The following FGFR2 variants were observed in gnomAD, a reference collection of about 807,000 sequenced individuals.
FGFR2 encodes the protein BEK fibroblast growth factor receptor.
A neutral mutation model predicts 95.9 loss-of-function variants in FGFR2; 19 were observed. That is an observed-to-expected ratio of 0.20 (90% confidence interval 0.14 to 0.29). The LOEUF is 0.29. Among genes scored for constraint, FGFR2 ranks in the 10% least tolerant of loss-of-function variants. The pLI is 1.00. For synonymous variants in FGFR2, 392 were observed against 393.3 expected (o/e 1.00, Z 0.04); for missense variants, 707 against 1,056.9 (o/e 0.67, Z 4.59).
intron 2 of FGFR2, among the ~76,000 whole-genome samples, chr10:121,583,921 AC>A (rs1388585038): frequency 6.6e-6 from 1 of 152,060 alleles, no homozygotes; most frequent in Non-Finnish European, 1.5e-5. Context: ...GAACAGGAAA[AC>A]CCAAGATGTT....
At chr10:121,493,283 G>C (rs1019149598) in intron 13 of FGFR2, among the ~76,000 whole-genome samples, 1 of 152,140 alleles carries the variant, frequency 6.6e-6, no homozygotes, top group African/African-American at 2.4e-5. Flanking sequence ...TTTAATATGG[G>C]TACTTCCGTT....
rs1649195 is a variant in FGFR2 at position 121,490,733 on chromosome 10, C to T, written c.1864-2620G>A. Among the ~76,000 whole-genome samples, 437 of 152,226 alleles carry T rather than the reference C, an allele frequency of 2.9e-3. 4 individuals are homozygous for T. The highest frequency in any genetic ancestry group is 9.5e-3 in the African/African-American group (393 of 41,526). ...AATGGGGGCGATCTTAGGCACTCCACGAAATGGACAATTAAAAAAGGGGCA... is the reference window on the plus strand; with the variant it reads ...AATGGGGGCGATCTTAGGCACTCCATGAAATGGACAATTAAAAAAGGGGCA... On this transcript the variant is annotated intron_variant, in intron 13 of 17. Coordinates refer to ENST00000358487, the MANE Select transcript of FGFR2 (RefSeq NM_000141.5).
intron 11 of FGFR2, among the ~76,000 whole-genome samples, chr10:121,500,606 T>C (rs1847468010): frequency 1.3e-5 from 2 of 152,240 alleles, no homozygotes; most frequent in Admixed American, 1.3e-4. Context: ...TGTAGGAGGC[T>C]ACCGCTTTCT....
rs2133790931 is a variant in FGFR2, at chr10:121,485,329, T to C, written c.2195+66A>G. 1.2e-6 allele frequency: 2 copies of C among 1,608,458 alleles called. No individual in the cohort carries two copies. Among genetic ancestry groups the C allele is most frequent in the Non-Finnish European group, 1.7e-6 (2 of 1,175,654 alleles). ...CAGGGGCCTTCAAAAACGAGATACA[T>C]CAGGAGAGGTATTACTGGTGTGGCA... On this transcript the variant is annotated intron_variant, in intron 16 of 17. Coordinates refer to ENST00000358487, the MANE Select transcript of FGFR2 (RefSeq NM_000141.5). This position sits in a 1 kb window ranked among gnomAD's most constrained non-coding sequence, Gnocchi z 4.2.
At chr10:121,596,402 C>T (rs1863433989) in intron 1 of FGFR2, 1 of 197,192 alleles carries the variant, frequency 5.1e-6, no homozygotes, top group African/African-American at 2.3e-5. Context: ...GAAGGCAGAC[C>T]AATACAGTGC....
At chr10:121,495,639 G>C (rs1223478795) in intron 13 of FGFR2, among the ~76,000 whole-genome samples, 1 of 152,198 alleles carries the variant, frequency 6.6e-6, no homozygotes, top group East Asian at 1.9e-4. Context: ...TTGGTGGTGT[G>C]ACTGGCATGG....
rs1293620815 is a variant in FGFR2 at position 121,488,188 on chromosome 10, T to C, written c.1864-75A>G. 1.0e-5 allele frequency: 16 copies of C among 1,584,244 alleles called. No individual in the cohort carries two copies. The East Asian group carries it at 2.9e-4, about 29-fold the overall frequency. ...AGAACAAAAAGGAAATATGTTCATT[T>C]CTTAAAATGCAGATAGAAAATATAG... is the stretch of plus-strand genomic sequence containing the variant. On this transcript the variant is annotated intron_variant, in intron 13 of 17. Transcript: ENST00000358487.
At chr10:121,586,655 C>A (rs1407739730) in intron 2 of FGFR2, among the ~76,000 whole-genome samples, 1 of 152,318 alleles carries the variant, frequency 6.6e-6, no homozygotes, top group African/African-American at 2.4e-5. Flanking sequence ...ATCTAAAGCA[C>A]GCCTATTTTA....
chr10:121,522,019 G>C (rs1850623271), intron 6 of FGFR2, among the ~76,000 whole-genome samples: 1 of 152,220 alleles, frequency 6.6e-6, no homozygotes, highest in African/African-American at 2.4e-5. Context: ...GATGCTAAGT[G>C]AAACAGGATA....
chr10:121,597,138 G>C (rs1590143592), intron 1 of FGFR2, among the ~76,000 whole-genome samples: 1 of 152,234 alleles, frequency 6.6e-6, no homozygotes, highest in Admixed American at 6.5e-5. Context: ...GGAGAGCGAC[G>C]GAGGCTGGTG....
intron 2 of FGFR2, among the ~76,000 whole-genome samples, chr10:121,584,072 C>T (rs1427377034): frequency 7.2e-5 from 11 of 152,088 alleles, no homozygotes; most frequent in East Asian, 1.9e-4. Flanking sequence ...GCTAAAGAAA[C>T]GTGACCTCAT....
chr10:121,534,091 C>CCT (rs1852465692), intron 6 of FGFR2, among the ~76,000 whole-genome samples: 1 of 92,118 alleles, frequency 1.1e-5, no homozygotes, highest in African/African-American at 4.7e-5. Context: ...CCCAAAATGG[C>CCT]TTTTTTTTTT....
intron 4 of FGFR2, among the ~76,000 whole-genome samples, 165 bp from the exon 5 acceptor site, chr10:121,551,624 A>C (rs1855422337): frequency 6.6e-6 from 1 of 152,128 alleles, no homozygotes; most frequent in South Asian, 2.1e-4. Flanking sequence ...AGTCTAATCC[A>C]GCTGGCTGAG....
chr10:121,503,897 C>T lies in FGFR2; in HGVS notation c.1332G>A (p.Leu444=), dbSNP rs2134062507. The T allele has an allele frequency of 6.2e-7, 1 of 1,614,084 alleles. No individual in the cohort carries two copies. Residue 444 remains leucine, a synonymous_variant, in exon 10 of 18, where the codon CTG becomes CTA. Coordinates refer to ENST00000358487, the MANE Select transcript of FGFR2 (RefSeq NM_000141.5). The part of the protein sequence containing the change: ...SSSSMNSNTP[L]VRITTRLSST... ...AAGAGAGGCGTGTTGTTATCCTCAC[C>T]AGCGGGGTGTTGGAGTTCATGGAGG... is the stretch of plus-strand genomic sequence containing the variant.
chr10:121,505,000 C>T (rs146881388), intron 9 of FGFR2, among the ~76,000 whole-genome samples: 123 of 152,336 alleles, frequency 8.1e-4, no homozygotes, highest in African/African-American at 2.7e-3. Context: ...TCCAAGCAGG[C>T]AACTAGCCCA....
At position 121,518,947 on chromosome 10, in the gene FGFR2, T is replaced by C. The variant is rs1290736004; in HGVS notation, c.939+1032A>G. 2.4e-6 allele frequency: 3 copies of C among 1,254,302 alleles called. No homozygotes were observed. Among genetic ancestry groups the C allele is most frequent in the African/African-American group, 3.0e-5 (2 of 67,502 alleles). The allele number at this position is 1,254,302 out of a possible 1,614,324, so 77.7% of individuals were successfully genotyped here. ...ACTCCATTACGTCTAAACAGCGGCATTAAAGGGCTGCGGATTTTAAAGAAC... is the reference window on the plus strand; with the variant it reads ...ACTCCATTACGTCTAAACAGCGGCACTAAAGGGCTGCGGATTTTAAAGAAC... On this transcript the variant is annotated intron_variant, in intron 7 of 17. Coordinates refer to ENST00000358487, the MANE Select transcript of FGFR2 (RefSeq NM_000141.5). This position sits in a 1 kb window ranked among gnomAD's most constrained non-coding sequence, Gnocchi z 4.0.
At chr10:121,498,333 T>C (rs1847147525) in intron 12 of FGFR2, among the ~76,000 whole-genome samples, 162 bp downstream of exon 12, 1 of 152,236 alleles carries the variant, frequency 6.6e-6, no homozygotes, top group Admixed American at 6.5e-5. Context: ...GACCCTTCTT[T>C]GTGTTCATGG....
chr10:121,526,751 A>G (rs2134417468), intron 6 of FGFR2: 1 of 398,546 alleles, frequency 2.5e-6, no homozygotes, highest in African/African-American at 2.1e-5. Context: ...GTTTAAACAC[A>G]TTTCTGTGGA....
intron 4 of FGFR2, among the ~76,000 whole-genome samples, chr10:121,553,905 C>A (rs559530988): frequency 6.6e-6 from 1 of 152,202 alleles, no homozygotes. Flanking sequence ...GCCCAGGGAC[C>A]GGCCCAGACC....
Sources: allele counts gnomAD v4.1 joint callset (sites outside exome capture counted in the v4.1 genomes callset), GRCh38; gene constraint gnomAD v4.1.1; non-coding constraint Gnocchi (gnomAD v3.1); transcripts MANE v1.5; gene names NCBI Gene and HGNC (gene_info 2026-07-23, HGNC 2026-07-21).